The following SGCZ variants were observed in gnomAD, a reference collection of about 807,000 sequenced individuals.
The protein encoded by SGCZ is zeta-sarcoglycan.
Under a neutral mutation model 41.3 loss-of-function variants are expected in SGCZ, and 40 were observed. The ratio of observed to expected loss-of-function variants is 0.97; its 90% confidence interval spans 0.75 to 1.26. The LOEUF is 1.26. Ranked by LOEUF, SGCZ falls within the 50% of genes most tolerant of loss-of-function variation. The pLI is 0.00. For synonymous variants in SGCZ, 206 were observed against 137.5 expected (o/e 1.50, Z -3.49); for missense variants, 552 against 369.8 (o/e 1.49, Z -4.04).
chr8:14,425,930 CA>C (rs1476859035), intron 2 of SGCZ, among the ~76,000 whole-genome samples: 7 of 152,032 alleles, frequency 4.6e-5, no homozygotes, highest in Non-Finnish European at 1.0e-4. Flanking sequence ...ATGGAAAAGG[CA>C]GCTAAAGAAG....
chr8:14,657,227 C>A (rs552522139), intron 1 of SGCZ, among the ~76,000 whole-genome samples: 60 of 151,850 alleles, frequency 4.0e-4, no homozygotes, highest in Non-Finnish European at 7.4e-4. Context: ...TCCCTGTAAC[C>A]CCAGAAATCT....
intron 2 of SGCZ, among the ~76,000 whole-genome samples, chr8:14,506,352 G>A (rs1366821086): frequency 2.0e-5 from 3 of 151,884 alleles, no homozygotes; most frequent in Admixed American, 6.6e-5. Context: ...ATTAGCTCCC[G>A]TTTCCTCTTA....
At chr8:14,733,275 A>G (rs1798926449) in intron 1 of SGCZ, among the ~76,000 whole-genome samples, 1 of 152,168 alleles carries the variant, frequency 6.6e-6, no homozygotes, top group Non-Finnish European at 1.5e-5. Flanking sequence ...AGTCCTAAGC[A>G]GCTTTTCCTG....
chr8:14,209,580 G>A (rs1464579584), intron 4 of SGCZ, among the ~76,000 whole-genome samples: 2 of 151,938 alleles, frequency 1.3e-5, no homozygotes, highest in Non-Finnish European at 2.9e-5. Flanking sequence ...TTTAAATTAT[G>A]TTTTCGAAGA....
In SGCZ at chr8:14,295,902, A is replaced by T. The variant is rs78652399; in HGVS notation, c.336+28201T>A. ...CACAATTCTGCATAAGTCCCCTATT[A>T]GGTCTGTAGCCAAACATAAAGTAGC... On this transcript the variant is annotated intron_variant, in intron 3 of 7. Coordinates refer to ENST00000382080, the MANE Select transcript of SGCZ (RefSeq NM_139167.4). 6.9e-3 allele frequency among the ~76,000 whole-genome samples: 1,055 copies of T among 152,250 alleles called. 13 individuals are homozygous for T. The highest frequency in any genetic ancestry group is 0.024 in the African/African-American group (999 of 41,542).
At chr8:14,702,789 ACAGG>A (rs1345910334) in intron 1 of SGCZ, among the ~76,000 whole-genome samples, 9 of 142,376 alleles carry the variant, frequency 6.3e-5, no homozygotes, top group African/African-American at 1.3e-4. Context: ...AGACAGACAG[ACAGG>A]CAGACAGGTA....
At chr8:14,149,263 T>G (rs1803621350) in intron 5 of SGCZ, among the ~76,000 whole-genome samples, 1 of 152,110 alleles carries the variant, frequency 6.6e-6, no homozygotes, top group Non-Finnish European at 1.5e-5. Context: ...GCAGATTATA[T>G]GATCTTATAC....
At chr8:14,626,019 G>T (rs531105497) in intron 1 of SGCZ, among the ~76,000 whole-genome samples, 1 of 152,138 alleles carries the variant, frequency 6.6e-6, no homozygotes, top group African/African-American at 2.4e-5. Flanking sequence ...GCATACTGTC[G>T]CTAGGGCAGA....
At chr8:14,534,623 C>A (rs1489865066) in intron 2 of SGCZ, among the ~76,000 whole-genome samples, 4 of 151,878 alleles carry the variant, frequency 2.6e-5, no homozygotes, top group Non-Finnish European at 4.4e-5. Context: ...CTAATTACCG[C>A]ACAGGAGGGA....
rs148455374 is a variant in SGCZ, at chr8:14,776,253, C to T, written c.40-221327G>A. ...TCCCCACATGTCAATGGTGGGGCCACATGGAGAATAAGTGAATCATGGGGG... is the reference window on the plus strand; with the variant it reads ...TCCCCACATGTCAATGGTGGGGCCATATGGAGAATAAGTGAATCATGGGGG... On this transcript the variant is annotated intron_variant, in intron 1 of 7. Transcript: ENST00000382080. Among the ~76,000 whole-genome samples, 791 of 152,206 alleles carry T rather than the reference C, an allele frequency of 5.2e-3. 6 individuals carry two copies. Among genetic ancestry groups the T allele is most frequent in the African/African-American group, 0.018 (767 of 41,508 alleles).
chr8:14,874,119 A>T (rs1002632351), intron 1 of SGCZ, among the ~76,000 whole-genome samples: 1 of 152,154 alleles, frequency 6.6e-6, no homozygotes, highest in Non-Finnish European at 1.5e-5. Context: ...TTGAAACTGC[A>T]GTTCAGTAGT....
chr8:14,726,763 G>A (rs1484037044), intron 1 of SGCZ, among the ~76,000 whole-genome samples: 7 of 151,834 alleles, frequency 4.6e-5, no homozygotes, highest in African/African-American at 1.7e-4. Context: ...TTTGCATAAG[G>A]TAAGTTAATT....
rs543261678 is a variant in SGCZ at position 14,654,751 on chromosome 8, T to C, written c.40-99825A>G. 2.1e-4 allele frequency among the ~76,000 whole-genome samples: 31 copies of C among 148,496 alleles called. No individual in the cohort carries two copies. In the East Asian group the frequency reaches 3.7e-3, roughly 18 times the overall value. On this transcript the variant is annotated intron_variant, in intron 1 of 7. Transcript: ENST00000382080. ...CATGCCCAGCTAATTTTTTTTTTTTTTGTATTTTGAAATAACTTTAGGTGT... is the reference window on the plus strand; with the variant it reads ...CATGCCCAGCTAATTTTTTTTTTTTCTGTATTTTGAAATAACTTTAGGTGT...
chr8:14,879,650 G>A (rs10503517), intron 1 of SGCZ: 7,547 of 150,844 alleles, frequency 0.05, 220 homozygotes, highest in Non-Finnish European at 0.062. Context: ...ACAGTTCCTC[G>A]TTGTTTCACT....
At chr8:15,042,755 A>C (rs1804153019) in intron 1 of SGCZ, among the ~76,000 whole-genome samples, 1 of 152,190 alleles carries the variant, frequency 6.6e-6, no homozygotes, top group Non-Finnish European at 1.5e-5. Flanking sequence ...TACATAGGAC[A>C]TCACAAAATT....
At chr8:14,646,923 T>A (rs1014110216) in intron 1 of SGCZ, among the ~76,000 whole-genome samples, 2 of 151,970 alleles carry the variant, frequency 1.3e-5, no homozygotes, top group Non-Finnish European at 2.9e-5. Context: ...GACTTTATAC[T>A]TCTTTTAAGA....
At chr8:14,432,051 G>C (rs889961743) in intron 2 of SGCZ, among the ~76,000 whole-genome samples, 7 of 152,148 alleles carry the variant, frequency 4.6e-5, no homozygotes, top group African/African-American at 1.7e-4. Context: ...TATGGATGTG[G>C]TGAACAGGGA....
intron 1 of SGCZ, among the ~76,000 whole-genome samples, chr8:14,883,195 G>T (rs527613190): frequency 6.8e-6 from 1 of 146,568 alleles, no homozygotes; most frequent in East Asian, 2.0e-4. Flanking sequence ...ACAGAAAGAA[G>T]AAAGTCTATG....
chr8:14,567,319 G>A (rs1032838159), intron 1 of SGCZ, among the ~76,000 whole-genome samples: 2 of 152,194 alleles, frequency 1.3e-5, no homozygotes, highest in Non-Finnish European at 2.9e-5. Flanking sequence ...GTGGGGACTT[G>A]GAGAATCTTT....
Sources: gnomAD v4.1 joint callset for allele counts (sites outside exome capture counted in the v4.1 genomes callset) on GRCh38, gnomAD v4.1.1 for gene constraint, MANE v1.5 for transcripts, NCBI Gene and HGNC (gene_info 2026-07-23, HGNC 2026-07-21) for gene names.